Variants in TJP2 observed in about 807,000 individuals in gnomAD.
TJP2 encodes the protein tight junction protein 2.
In TJP2, 91 loss-of-function variants were observed where a neutral mutation model predicts 133.1. That is an observed-to-expected ratio of 0.68 (90% confidence interval 0.58 to 0.81). TJP2 has a LOEUF of 0.81. Ranked by LOEUF, TJP2 falls within the 40% of genes least tolerant of loss-of-function variation. The pLI, the probability that TJP2 is intolerant of heterozygous loss-of-function variation, is 0.00. For missense variants in TJP2, 1,541 were observed against 1,565.6 expected (o/e 0.98, Z 0.26); for synonymous variants, 592 against 583.4 (o/e 1.01, Z -0.21).
chr9:69,182,925 A>G (rs956051776), intron 1 of TJP2, among the ~76,000 whole-genome samples: 1 of 149,776 alleles, frequency 6.7e-6, no homozygotes, highest in Non-Finnish European at 1.5e-5. Flanking sequence ...AGTAGTTGGG[A>G]CTACAGGTGC....
intron 1 of TJP2, among the ~76,000 whole-genome samples, chr9:69,150,664 A>G (rs150690857): frequency 1.3e-5 from 2 of 152,318 alleles, no homozygotes; most frequent in African/African-American, 4.8e-5. Context: ...GCGAATTCTT[A>G]TAAGATCTTG....
chr9:69,205,076 C>T (rs577113861), intron 1 of TJP2: 29 of 1,508,896 alleles, frequency 1.9e-5, no homozygotes, highest in Admixed American at 1.2e-4. Context: ...CTATTGTATC[C>T]GCCTTACGTA....
At chr9:69,151,667 T>C in exon 2 of TJP2, 2 of 1,232,068 alleles carry the variant, frequency 1.6e-6, no homozygotes, top group Non-Finnish European at 2.0e-6. Flanking sequence ...AAGTACCACA[T>C]TACTGTCATC....
rs975344888 is a variant in TJP2 at position 69,230,126 on chromosome 9, G to A, written c.1565G>A (p.Gly522Asp). The A allele has an allele frequency of 1.2e-6, 2 of 1,614,084 alleles. No individual in the cohort carries two copies. The highest frequency in any genetic ancestry group is 2.7e-5 in the African/African-American group (2 of 74,926). ...MVRFKKGDSV[G>D]LRLAGGNDVG... The stretch of plus-strand genomic sequence containing the variant: ...AGGTTCAAGAAGGGAGACAGCGTGG[G>A]CCTCCGGTTGGCTGGTGGCAATGAT... The change falls in exon 11 of 23, where the codon GGC becomes GAC. Residue 522 changes from glycine (G) to aspartate (D), a missense_variant. By Grantham distance (94) the Gly-to-Asp change is moderately conservative (BLOSUM62 -1). Coordinates refer to ENST00000377245, the MANE Select transcript of TJP2 (RefSeq NM_004817.4).
chr9:69,237,906 C>T lies in TJP2; in HGVS notation c.2208C>T (p.Phe736=), dbSNP rs201690110. ...EAGFKRPVVL[F]GPIADIAMEK... ...GTTTCAAGAGACCTGTGGTCTTATTCGGCCCCATAGCTGATATAGCAATGG... is the reference window on the plus strand; with the variant it reads ...GTTTCAAGAGACCTGTGGTCTTATTTGGCCCCATAGCTGATATAGCAATGG... The change falls in exon 15 of 23, where the codon TTC becomes TTT. Residue 736 remains phenylalanine (F), a synonymous_variant. Transcript: ENST00000377245. The T allele has an allele frequency of 6.9e-5, 112 of 1,613,638 alleles. No homozygotes were observed. The highest frequency in any genetic ancestry group is 8.7e-5 in the Non-Finnish European group (103 of 1,179,792).
intron 14 of TJP2, among the ~76,000 whole-genome samples, chr9:69,237,588 A>G (rs1228412648): frequency 1.3e-5 from 2 of 148,164 alleles, no homozygotes; most frequent in African/African-American, 2.5e-5. Context: ...AGTCCCAGCT[A>G]CTCAGGAGGC....
chr9:69,171,402 C>T (rs1441202775), upstream of TJP2, among the ~76,000 whole-genome samples: 1 of 152,170 alleles, frequency 6.6e-6, no homozygotes, highest in Non-Finnish European at 1.5e-5. Context: ...CAACCCCTGT[C>T]CCCCACCAAC....
intron 1 of TJP2, among the ~76,000 whole-genome samples, chr9:69,143,569 T>C (rs776106220): frequency 1.5e-4 from 23 of 152,344 alleles, no homozygotes; most frequent in Non-Finnish European, 2.8e-4. Flanking sequence ...ACTAATTGTT[T>C]GCAGAACAAC....
chr9:69,239,849 C>T (rs1293965923), intron 16 of TJP2, 88 bp from the exon 17 acceptor site: 2 of 1,044,088 alleles, frequency 1.9e-6, no homozygotes, highest in Admixed American at 1.9e-5. Flanking sequence ...AGATATATCT[C>T]ATACAGCCTT....
intron 1 of TJP2, among the ~76,000 whole-genome samples, chr9:69,178,798 A>G (rs1825277922): frequency 6.6e-6 from 1 of 152,162 alleles, no homozygotes; most frequent in African/African-American, 2.4e-5. Context: ...TTGATATGAT[A>G]GAGTGATAGG....
intron 19 of TJP2, 37 bp from the exon 20 acceptor site, chr9:69,249,338 G>A (rs1202501952): frequency 6.3e-7 from 1 of 1,575,390 alleles, no homozygotes; most frequent in Admixed American, 1.8e-5. Context: ...TCTCTGCTTG[G>A]ATGTTCTTGT....
chr9:69,253,053 T>C, intron 22 of TJP2, 153 bp downstream of exon 22: 1 of 697,968 alleles, frequency 1.4e-6, no homozygotes, highest in South Asian at 1.8e-5. Flanking sequence ...TCAAATTTAA[T>C]TGTAAAGATT....
chr9:69,253,933 T>C (rs1026046417), intron 22 of TJP2: 4 of 487,500 alleles, frequency 8.2e-6, no homozygotes, highest in African/African-American at 7.8e-5. Flanking sequence ...GCCAGGGAGC[T>C]TAGGGGTAAG....
chr9:69,137,384 C>T (rs577516150), intron 1 of TJP2, among the ~76,000 whole-genome samples: 25 of 148,324 alleles, frequency 1.7e-4, no homozygotes, highest in Non-Finnish European at 2.8e-4. Context: ...ATGGAGTGTG[C>T]AGTGGTGTGA....
intron 1 of TJP2, among the ~76,000 whole-genome samples, chr9:69,136,752 C>T (rs570402175): frequency 2.0e-5 from 3 of 152,230 alleles, no homozygotes; most frequent in East Asian, 1.9e-4. Flanking sequence ...AGGAGGACAG[C>T]GGCCCTTTGG....
Position 69,212,584 on chromosome 9 carries a change from A to G in TJP2, c.97A>G (p.Thr33Ala), listed in dbSNP as rs1426714097. ...GMEELIWEQY[T>A]VTLQKDSKRG... ...GGAAGAGCTGATATGGGAACAGTACACTGTGACCCTACAAAAGGTGAGTTC... is the reference window on the plus strand; with the variant it reads ...GGAAGAGCTGATATGGGAACAGTACGCTGTGACCCTACAAAAGGTGAGTTC... The change falls in exon 2 of 23, where the codon ACT (threonine) becomes GCT (alanine). Residue 33 changes from threonine to alanine, a missense_variant. Transcript: ENST00000377245. The G allele has an allele frequency of 1.1e-5, 18 of 1,613,138 alleles. No individual in the cohort carries two copies. Among genetic ancestry groups the G allele is most frequent in the Non-Finnish European group, 1.5e-5 (18 of 1,179,294 alleles).
chr9:69,168,963 A>T (rs1824519484), intron 2 of TJP2, among the ~76,000 whole-genome samples: 1 of 151,344 alleles, frequency 6.6e-6, no homozygotes, highest in Non-Finnish European at 1.5e-5. Context: ...CCGGGTGGTT[A>T]TTGTTAACTG....
exon 2 of TJP2, chr9:69,151,763 C>T (rs1823488634): frequency 4.1e-6 from 5 of 1,232,118 alleles, no homozygotes; most frequent in Non-Finnish European, 5.1e-6. Context: ...ACACGGCCCA[C>T]GTTGCCAGGT....
chr9:69,250,169 C>G (rs1250753387), intron 20 of TJP2, among the ~76,000 whole-genome samples: 1 of 152,196 alleles, frequency 6.6e-6, no homozygotes, highest in African/African-American at 2.4e-5. Context: ...GTGGTGCAAT[C>G]TCGGCTCACT....
Sources: allele counts gnomAD v4.1 joint callset (sites outside exome capture counted in the v4.1 genomes callset), GRCh38; gene constraint gnomAD v4.1.1; transcripts MANE v1.5; gene names NCBI Gene and HGNC (gene_info 2026-07-23, HGNC 2026-07-21).